Variants in CENPW observed in about 807,000 individuals in gnomAD.
The protein encoded by CENPW is centromere protein W, also known as cancer-up-regulated gene 2 protein.
In CENPW, 3 loss-of-function variants were observed where a neutral mutation model predicts 11.1. The ratio of observed to expected loss-of-function variants is 0.27; its 90% CI spans 0.12 to 0.70. The LOEUF (loss-of-function observed/expected upper bound fraction) is 0.70, where lower values mean the gene tolerates loss of function less well. Ranked by LOEUF, CENPW falls within the 30% of genes least tolerant of loss-of-function variation. The pLI, the probability that CENPW is intolerant of heterozygous loss-of-function variation, is 0.77. For missense variants in CENPW, 100 were observed against 105.6 expected (o/e 0.95, Z 0.23); for synonymous variants, 38 against 42.0 (o/e 0.91, Z 0.37).
the CENPW span, among the ~76,000 whole-genome samples, chr6:126,371,432 T>G: frequency 6.6e-6 from 1 of 152,232 alleles, no homozygotes. Flanking sequence ...ATCCCTGATA[T>G]GAAACCCAGT....
the CENPW span, among the ~76,000 whole-genome samples, chr6:126,380,891 G>T: frequency 4.6e-5 from 7 of 152,190 alleles, no homozygotes; most frequent in African/African-American, 1.4e-4. Context: ...ATTCTCTGTT[G>T]ATCGAACTTT....
Position 126,340,364 on chromosome 6 carries a change from C to A in CENPW, c.91C>A (p.Pro31Thr). The A allele has an allele frequency of 6.2e-7, 1 of 1,614,150 alleles. No individual in the cohort carries two copies. The highest frequency in any genetic ancestry group is 8.5e-7 in the Non-Finnish European group (1 of 1,180,014). The change falls in exon 1 of 3, where the codon CCT (proline) becomes ACT (threonine). Residue 31 changes from proline (P) to threonine (T), a missense_variant. By Grantham distance (38) the Pro-to-Thr change is conservative. Transcript: ENST00000368328. ...FLKRVFKRKK[P>T]QLRLEKSGDL... ...AAAGCGAGTCTTCAAGCGAAAGAAG[C>A]CTCAACTTCGTCTGGAGAAAAGTGG...
At chr6:126,351,178 G>A (rs1780487285), downstream of CENPW, among the ~76,000 whole-genome samples, 1 of 144,794 alleles carries the variant, frequency 6.9e-6, no homozygotes, top group South Asian at 2.3e-4. Context: ...GTGTGTAAGT[G>A]GAGTAGGATG....
chr6:126,458,698 T>C, the CENPW span, among the ~76,000 whole-genome samples: 1 of 151,286 alleles, frequency 6.6e-6, no homozygotes, highest in Non-Finnish European at 1.5e-5. Flanking sequence ...ATTACCTATA[T>C]CATGATAGAA....
the CENPW span, among the ~76,000 whole-genome samples, chr6:126,378,080 G>A: frequency 6.6e-6 from 1 of 151,998 alleles, no homozygotes; most frequent in African/African-American, 2.4e-5. Flanking sequence ...GCACCCTCAG[G>A]GTCTGAGTAC....
downstream of CENPW, among the ~76,000 whole-genome samples, chr6:126,350,091 A>G (rs898960613): frequency 3.3e-5 from 5 of 152,136 alleles, no homozygotes; most frequent in Admixed American, 1.3e-4. Flanking sequence ...GTACCATTTT[A>G]CATTTCCATT....
the CENPW span, among the ~76,000 whole-genome samples, chr6:126,468,024 T>TA: frequency 6.6e-6 from 1 of 152,054 alleles, no homozygotes; most frequent in Non-Finnish European, 1.5e-5. Context: ...CAACCAGTAC[T>TA]AAAATGCAAA....
the CENPW span, among the ~76,000 whole-genome samples, chr6:126,479,399 C>G: frequency 1.7e-4 from 26 of 151,888 alleles, no homozygotes; most frequent in Non-Finnish European, 2.7e-4. Flanking sequence ...TGATTCCACC[C>G]TCATTAAAAG....
At chr6:126,470,584 TC>T in the CENPW span, among the ~76,000 whole-genome samples, 2 of 152,182 alleles carry the variant, frequency 1.3e-5, no homozygotes, top group African/African-American at 4.8e-5. Context: ...AGAGCCACCA[TC>T]CTCCAGACCC....
the CENPW span, among the ~76,000 whole-genome samples, chr6:126,382,076 A>G: frequency 1.3e-5 from 2 of 152,070 alleles, no homozygotes; most frequent in Non-Finnish European, 2.9e-5. Flanking sequence ...TCTACTAAAA[A>G]TACAAAAACA....
the CENPW span, among the ~76,000 whole-genome samples, chr6:126,365,256 T>C: frequency 6.6e-6 from 1 of 152,162 alleles, no homozygotes; most frequent in Non-Finnish European, 1.5e-5. Context: ...TTTACATGAG[T>C]TGCAATTAAA....
the CENPW span, among the ~76,000 whole-genome samples, chr6:126,379,051 A>T: frequency 6.6e-6 from 1 of 152,192 alleles, no homozygotes; most frequent in Non-Finnish European, 1.5e-5. Flanking sequence ...TTTGTGTACT[A>T]GTTACAAAAT....
chr6:126,473,672 G>T, the CENPW span, among the ~76,000 whole-genome samples: 1 of 151,780 alleles, frequency 6.6e-6, no homozygotes, highest in Non-Finnish European at 1.5e-5. Context: ...GGCGGAGGTT[G>T]CAGCGAGCCA....
the CENPW span, among the ~76,000 whole-genome samples, chr6:126,364,466 T>G: frequency 2.2e-4 from 33 of 152,162 alleles, no homozygotes; most frequent in Non-Finnish European, 4.0e-4. Flanking sequence ...AAAATCTGCT[T>G]AAAATTTATG....
chr6:126,385,662 G>A, the CENPW span, among the ~76,000 whole-genome samples: 852 of 152,134 alleles, frequency 5.6e-3, 3 homozygotes, highest in Non-Finnish European at 9.7e-3. Context: ...GAGCCATTTT[G>A]CCCATGCTGT....
chr6:126,470,326 C>A, the CENPW span, among the ~76,000 whole-genome samples: 1 of 152,250 alleles, frequency 6.6e-6, no homozygotes, highest in Non-Finnish European at 1.5e-5. Context: ...AGGCTACAAG[C>A]CCCAAACCTT....
At chr6:126,443,406 A>G in the CENPW span, among the ~76,000 whole-genome samples, 2 of 151,336 alleles carry the variant, frequency 1.3e-5, 1 homozygote, top group Middle Eastern at 6.8e-3. Context: ...TCTGTAAACT[A>G]GCGGGATTTG....
the CENPW span, among the ~76,000 whole-genome samples, chr6:126,375,787 T>A: frequency 6.6e-6 from 1 of 152,196 alleles, no homozygotes; most frequent in Non-Finnish European, 1.5e-5. Context: ...TTACTTTAGT[T>A]ATATTCAGGC....
chr6:126,426,389 A>G, the CENPW span, among the ~76,000 whole-genome samples: 1 of 152,138 alleles, frequency 6.6e-6, no homozygotes, highest in Non-Finnish European at 1.5e-5. Flanking sequence ...GCCTCCTGAA[A>G]GTTGTTTATT....
Sources: gnomAD v4.1 joint callset for allele counts (sites outside exome capture counted in the v4.1 genomes callset) on GRCh38, gnomAD v4.1.1 for gene constraint, MANE v1.5 for transcripts, NCBI Gene and HGNC (gene_info 2026-07-23, HGNC 2026-07-21) for gene names.